The following SNTG1 variants were observed in gnomAD, a reference collection of about 807,000 sequenced individuals.
SNTG1 encodes syntrophin gamma 1, also known as gamma-1-syntrophin.
SNTG1 carries 39 observed loss-of-function variants against 74.7 expected under a neutral mutation model. The observed-to-expected ratio is 0.52, with a 90% confidence interval of 0.40 to 0.68. SNTG1 has a LOEUF of 0.68. SNTG1 is among the 30% of genes least tolerant of loss of function. The probability of loss-of-function intolerance (pLI) is 0.00; values close to 1 mark genes in which losing one functional copy is unlikely to be tolerated. For missense variants in SNTG1, 685 were observed against 609.5 expected, an observed-to-expected ratio of 1.12 and a Z score of -1.30; for synonymous variants, 254 against 217.1, an observed-to-expected ratio of 1.17 and a Z score of -1.49.
At chr8:50,411,677 C>T (rs1391449233) in intron 4 of SNTG1, among the ~76,000 whole-genome samples, 1 of 151,812 alleles carries the variant, frequency 6.6e-6, no homozygotes, top group Admixed American at 6.6e-5. Context: ...TGCTGGAAAC[C>T]CCTTCTCTCT....
At chr8:49,970,478 T>G (rs540135857) in intron 1 of SNTG1, among the ~76,000 whole-genome samples, 1 of 152,242 alleles carries the variant, frequency 6.6e-6, no homozygotes, top group Non-Finnish European at 1.5e-5. Context: ...CAGGGACTAA[T>G]GCAGTTGTTT....
chr8:50,052,136 A>G (rs1030119639), intron 1 of SNTG1, among the ~76,000 whole-genome samples: 2 of 152,086 alleles, frequency 1.3e-5, no homozygotes, highest in Non-Finnish European at 2.9e-5. Context: ...GATTCATACT[A>G]TATTTCCTGA....
chr8:50,572,275 T>TAGAGAGAGAG (rs71235308), intron 12 of SNTG1, among the ~76,000 whole-genome samples: 64 of 148,370 alleles, frequency 4.3e-4, no homozygotes, highest in African/African-American at 1.5e-3. Context: ...TATATATATA[T>TAGAGAGAGAG]AGAGAGAGAG....
chr8:50,036,927 A>G (rs2130791279), intron 1 of SNTG1, among the ~76,000 whole-genome samples: 1 of 152,356 alleles, frequency 6.6e-6, no homozygotes, highest in East Asian at 1.9e-4. Context: ...TTATGTAAGA[A>G]TTAAAAAGTT....
intron 1 of SNTG1, among the ~76,000 whole-genome samples, chr8:50,105,412 C>A (rs1175565444): frequency 1.3e-5 from 2 of 152,020 alleles, no homozygotes; most frequent in Non-Finnish European, 2.9e-5. Context: ...CAGTACCATG[C>A]TCTTTTGGTT....
At chr8:50,702,551 G>A (rs1445799944) in intron 15 of SNTG1, among the ~76,000 whole-genome samples, 1 of 152,166 alleles carries the variant, frequency 6.6e-6, no homozygotes, top group South Asian at 2.1e-4. Context: ...AACATTTTGG[G>A]TGTTTAATAA....
intron 1 of SNTG1, among the ~76,000 whole-genome samples, chr8:50,028,126 C>T (rs556791013): frequency 1.3e-5 from 2 of 152,104 alleles, no homozygotes; most frequent in Non-Finnish European, 2.9e-5. Flanking sequence ...CAGTCACACC[C>T]ACCCACATAC....
chr8:49,926,356 T>C (rs1426068455), intron 1 of SNTG1, among the ~76,000 whole-genome samples: 2 of 152,110 alleles, frequency 1.3e-5, no homozygotes, highest in Non-Finnish European at 2.9e-5. Context: ...TTTTAGAAGT[T>C]CACAAATATA....
chr8:49,931,601 G>GA (rs751901279), intron 1 of SNTG1, among the ~76,000 whole-genome samples: 4 of 151,968 alleles, frequency 2.6e-5, no homozygotes, highest in East Asian at 1.9e-4. Flanking sequence ...AGAAGTCTAT[G>GA]AAAAAACTAA....
intron 12 of SNTG1, among the ~76,000 whole-genome samples, chr8:50,580,692 A>T (rs2094604922): frequency 6.6e-6 from 1 of 152,130 alleles, no homozygotes; most frequent in Admixed American, 6.5e-5. Context: ...ATGATGAAGG[A>T]CGTCTTTGCT....
At chr8:50,588,023 G>A (rs556408253) in intron 12 of SNTG1, among the ~76,000 whole-genome samples, 2 of 152,018 alleles carry the variant, frequency 1.3e-5, no homozygotes, top group South Asian at 2.1e-4. Context: ...AACAGGCTGA[G>A]GCAGGAGAAT....
At chr8:50,510,167 C>T (rs141456505) in intron 9 of SNTG1, among the ~76,000 whole-genome samples, 1,532 of 152,114 alleles carry the variant, frequency 0.01, 26 homozygotes, top group Middle Eastern at 0.027. Context: ...CATCTATTGA[C>T]ATAATCATAT....
chr8:50,351,148 A>C (rs1208057171), intron 2 of SNTG1, among the ~76,000 whole-genome samples: 1 of 152,110 alleles, frequency 6.6e-6, no homozygotes, highest in East Asian at 1.9e-4. Flanking sequence ...ACCTAGACCC[A>C]TTTCTTATTA....
Position 50,575,694 on chromosome 8 carries a change from A to T in SNTG1, c.811-15185A>T, listed in dbSNP as rs181105084. ...GCTAGTGTGCAGGGTCGGCAGTGGA[A>T]CAGTGTGAGCCACAAGGAGACAAAC... is the stretch of plus-strand genomic sequence containing the variant. On this transcript the variant is annotated intron_variant, in intron 12 of 18. Transcript: ENST00000642720. 3 of 152,346 alleles carry T rather than the reference A, an allele frequency of 2.0e-5. No homozygotes were observed. In the East Asian group the frequency reaches 5.8e-4, roughly 29 times the overall value. The allele number at this position is 152,346 out of a possible 1,614,324, so 9.4% of individuals were successfully genotyped here. A position where few individuals can be genotyped will look rare whatever the true frequency, so the allele number is the denominator to read the frequency against.
At position 50,072,938 on chromosome 8, in the gene SNTG1, G is replaced by A. The variant is rs575608877; in HGVS notation, c.-102-99623G>A. On this transcript the variant is annotated intron_variant, in intron 1 of 18. Transcript: ENST00000642720. ...CTAAAAAATGCTCACAGTCATTTGAGCCTTCAGTGAGTTATAACATTTATA... is the reference window on the plus strand; with the variant it reads ...CTAAAAAATGCTCACAGTCATTTGAACCTTCAGTGAGTTATAACATTTATA... Among the ~76,000 whole-genome samples the A allele has an allele frequency of 5.9e-5, 9 of 152,234 alleles. No individual in the cohort carries two copies. The East Asian group carries it at 1.5e-3, about 26-fold the overall frequency.
At chr8:50,672,211 G>A (rs1010936735) in intron 15 of SNTG1, among the ~76,000 whole-genome samples, 2 of 148,070 alleles carry the variant, frequency 1.4e-5, no homozygotes, top group Non-Finnish European at 3.1e-5. Flanking sequence ...AAAAAAAAAT[G>A]TCTGGATCAA....
At chr8:50,367,061 A>G (rs546778840) in intron 2 of SNTG1, among the ~76,000 whole-genome samples, 24 of 151,820 alleles carry the variant, frequency 1.6e-4, no homozygotes, top group African/African-American at 5.5e-4. Context: ...CAGCAATAGC[A>G]TGGAGTCCTA....
chr8:49,911,183 G>T (rs181667214), upstream of SNTG1: 2 of 152,306 alleles, frequency 1.3e-5, no homozygotes, highest in Non-Finnish European at 2.9e-5. Context: ...TTCAAATTGG[G>T]TTTCTCAAAA....
At chr8:50,333,065 A>G (rs1355151864) in intron 2 of SNTG1, among the ~76,000 whole-genome samples, 3 of 152,246 alleles carry the variant, frequency 2.0e-5, no homozygotes, top group Admixed American at 6.5e-5. Context: ...GATATAAAAA[A>G]CAAATAAAAA....
Sources: allele counts gnomAD v4.1 joint callset (sites outside exome capture counted in the v4.1 genomes callset), GRCh38; gene constraint gnomAD v4.1.1; transcripts MANE v1.5; gene names NCBI Gene and HGNC (gene_info 2026-07-23, HGNC 2026-07-21).